SPOCK3: variants seen among roughly 807,000 people sequenced by gnomAD.
The protein encoded by SPOCK3 is SPARC (osteonectin), cwcv and kazal like domains proteoglycan 3, also known as testican-3.
SPOCK3 carries 30 observed loss-of-function variants against 56.6 expected under a neutral mutation model. That is an observed-to-expected ratio of 0.53 (90% CI 0.40 to 0.72). SPOCK3 has a LOEUF of 0.72. SPOCK3 is among the 30% of genes least tolerant of loss of function. The pLI is 0.00. For synonymous variants in SPOCK3, 196 were observed against 183.3 expected (o/e 1.07, Z -0.56); for missense variants, 527 against 530.0 (o/e 0.99, Z 0.06).
chr4:167,224,006 A>G (rs1056176103), intron 2 of SPOCK3, among the ~76,000 whole-genome samples: 8 of 152,206 alleles, frequency 5.3e-5, no homozygotes, highest in African/African-American at 1.9e-4. Flanking sequence ...TGAGTACCCT[A>G]TTCATATATA....
chr4:166,737,497 C>T lies in SPOCK3; in HGVS notation c.1102G>A (p.Gly368Arg), dbSNP rs1734333333. The change falls in exon 10 of 11, where the codon GGA becomes AGA. Residue 368 changes from glycine to arginine, a missense_variant. Coordinates refer to ENST00000357545, the MANE Select transcript of SPOCK3 (RefSeq NM_001040159.2). Reference protein sequence around the residue: ...CVDRYGNEVMGSRINGVADCA... With the variant: ...CVDRYGNEVMRSRINGVADCA... ...TCTGCAACACCATTTATTCTGGATC[C>T]CATGACTTCATTTCCATATCTGTCA... is the stretch of plus-strand genomic sequence containing the variant. 6.2e-7 allele frequency: 1 copy of T among 1,613,298 alleles called. No individual in the cohort carries two copies. The highest frequency in any genetic ancestry group is 1.3e-5 in the African/African-American group (1 of 75,006).
intron 6 of SPOCK3, among the ~76,000 whole-genome samples, chr4:166,800,611 A>G (rs552579092): frequency 6.6e-6 from 1 of 152,264 alleles, no homozygotes; most frequent in African/African-American, 2.4e-5. Flanking sequence ...AAAATAAAAA[A>G]TAGAAAAATA....
chr4:166,867,274 T>C (rs1731947272), intron 6 of SPOCK3, among the ~76,000 whole-genome samples: 1 of 152,046 alleles, frequency 6.6e-6, no homozygotes, highest in Non-Finnish European at 1.5e-5. Flanking sequence ...ATAATGATAA[T>C]AATTTCTCGG....
chr4:166,852,373 A>G (rs942000022), intron 6 of SPOCK3, among the ~76,000 whole-genome samples: 4 of 152,132 alleles, frequency 2.6e-5, no homozygotes, highest in African/African-American at 9.7e-5. Flanking sequence ...AGAAACCTTG[A>G]AAACTGAGGT....
At chr4:166,803,623 C>G (rs555890894) in intron 6 of SPOCK3, among the ~76,000 whole-genome samples, 1 of 152,076 alleles carries the variant, frequency 6.6e-6, no homozygotes, top group Non-Finnish European at 1.5e-5. Flanking sequence ...AGTGAGAGAA[C>G]GAATATTAGC....
chr4:167,102,365 G>C (rs1039992306), intron 2 of SPOCK3: 2 of 151,818 alleles, frequency 1.3e-5, no homozygotes, highest in African/African-American at 4.8e-5. Context: ...TCCCCTGCAG[G>C]AACAGCAATT....
chr4:166,942,882 T>G (rs1741271761), intron 4 of SPOCK3, among the ~76,000 whole-genome samples: 2 of 152,210 alleles, frequency 1.3e-5, no homozygotes, highest in Admixed American at 6.5e-5. Flanking sequence ...TTGTTGCAAT[T>G]TTAAGTCATT....
chr4:167,164,816 C>T (rs905434232), intron 2 of SPOCK3, among the ~76,000 whole-genome samples: 1 of 152,096 alleles, frequency 6.6e-6, no homozygotes, highest in East Asian at 1.9e-4. Flanking sequence ...ATATGTGCCA[C>T]ATTTTCTGTA....
Position 167,161,895 on chromosome 4 carries a change from TG to T in SPOCK3, c.189+72089del, listed in dbSNP as rs1474230560. Among the ~76,000 whole-genome samples the T allele has an allele frequency of 1.1e-4, 5 of 45,206 alleles. No homozygotes were observed. In the South Asian group the frequency reaches 4.3e-3, roughly 39 times the overall value. The allele number at this position is 45,206 out of a possible 152,430, so 29.7% of individuals were successfully genotyped here. ...TCACACACGGGGGACTGTTGTGGGG[TG>T]GGGGGAGGGGGAAGGGATAGCATTA... On this transcript the variant is annotated intron_variant, in intron 2 of 10. Transcript: ENST00000357545.
chr4:167,227,943 G>A (rs566792137), intron 2 of SPOCK3, among the ~76,000 whole-genome samples: 23 of 152,190 alleles, frequency 1.5e-4, no homozygotes, highest in African/African-American at 5.5e-4. Context: ...CAAGCAAGCT[G>A]ACTAGCTGTA....
chr4:167,019,002 ATGAAGCCATT>A (rs1470510971), intron 3 of SPOCK3, among the ~76,000 whole-genome samples: 1 of 152,022 alleles, frequency 6.6e-6, no homozygotes, highest in Admixed American at 6.6e-5. Context: ...AGTGAGCACA[ATGAAGCCATT>A]TGAAACGATA....
chr4:166,816,373 T>A (rs909085427), intron 6 of SPOCK3, among the ~76,000 whole-genome samples: 1 of 152,122 alleles, frequency 6.6e-6, no homozygotes, highest in African/African-American at 2.4e-5. Flanking sequence ...TAATTGGTGC[T>A]AAATACTGCA....
intron 2 of SPOCK3, among the ~76,000 whole-genome samples, chr4:167,222,935 A>G (rs1191353636): frequency 1.0e-4 from 13 of 128,278 alleles, no homozygotes; most frequent in South Asian, 6.9e-4. Flanking sequence ...GAATATATAA[A>G]TATGTAAACA....
chr4:167,125,722 T>A lies in SPOCK3; in HGVS notation c.190-63185A>T, dbSNP rs72699656. ...AGAGGGAGACTCCGTCTCAAAAAAATAAATAAATAAAAATTAAAAACCCTC... is the reference window on the plus strand; with the variant it reads ...AGAGGGAGACTCCGTCTCAAAAAAAAAAATAAATAAAAATTAAAAACCCTC... On this transcript the variant is annotated intron_variant, in intron 2 of 10. Transcript: ENST00000357545. 8.4e-3 allele frequency among the ~76,000 whole-genome samples: 1,277 copies of A among 151,954 alleles called. 5 individuals are homozygous for A. The highest frequency in any genetic ancestry group is 0.012 in the Non-Finnish European group (791 of 67,924).
intron 6 of SPOCK3, among the ~76,000 whole-genome samples, chr4:166,794,210 C>CAA (rs10710162): frequency 0.15 from 11,217 of 73,750 alleles, 1,037 homozygotes; most frequent in Non-Finnish European, 0.19. Context: ...GGTGATAAGG[C>CAA]AAAAAAAAAA....
chr4:167,119,138 GGGGGA>G (rs200117906), intron 2 of SPOCK3, among the ~76,000 whole-genome samples: 13 of 95,182 alleles, frequency 1.4e-4, no homozygotes, highest in African/African-American at 4.0e-4. Flanking sequence ...AAGGCGGGGT[GGGGGA>G]GGGGGGGGAA....
At position 166,747,849 on chromosome 4, in the gene SPOCK3, A is replaced by G. The variant is rs182900867; in HGVS notation, c.932-5790T>C. On this transcript the variant is annotated intron_variant, in intron 8 of 10. Transcript: ENST00000357545. ...ATTCTTATACACCAATAACAGAAAA[A>G]CAGAGAGCCAAATCATGAGTGAACT... Among the ~76,000 whole-genome samples, 496 of 152,112 alleles carry G rather than the reference A, an allele frequency of 3.3e-3. 3 individuals carry two copies. Among genetic ancestry groups the G allele is most frequent in the African/African-American group, 0.011 (455 of 41,474 alleles).
chr4:167,074,263 A>G (rs1756966465), intron 2 of SPOCK3, among the ~76,000 whole-genome samples: 2 of 151,956 alleles, frequency 1.3e-5, no homozygotes, highest in African/African-American at 4.8e-5. Flanking sequence ...TTAGCAGCTT[A>G]GAACAACAGA....
At chr4:166,801,856 A>G (rs1316603474) in intron 6 of SPOCK3, among the ~76,000 whole-genome samples, 1 of 152,180 alleles carries the variant, frequency 6.6e-6, no homozygotes, top group African/African-American at 2.4e-5. Flanking sequence ...AATCTAGGAC[A>G]ATCTCACTAA....
Sources: gnomAD v4.1 joint callset for allele counts (sites outside exome capture counted in the v4.1 genomes callset) on GRCh38, gnomAD v4.1.1 for gene constraint, MANE v1.5 for transcripts, NCBI Gene and HGNC (gene_info 2026-07-23, HGNC 2026-07-21) for gene names.